The following CYP4B1 variants were observed in gnomAD, a reference collection of about 807,000 sequenced individuals.
CYP4B1 encodes cytochrome P450 4B1.
In CYP4B1, 45 loss-of-function variants were observed where a neutral mutation model predicts 54.0. The observed-to-expected ratio is 0.83, with a 90% CI of 0.66 to 1.07. The LOEUF is 1.07. CYP4B1 is among the 50% of genes least tolerant of loss of function. The pLI is 0.00. For missense variants in CYP4B1, 656 were observed against 655.4 expected, an observed-to-expected ratio of 1.00 and a Z score of -0.01; for synonymous variants, 248 against 247.5, an observed-to-expected ratio of 1.00 and a Z score of -0.02.
At chr1:46,809,120 A>T (rs377224163) in intron 1 of CYP4B1, among the ~76,000 whole-genome samples, 4,131 of 99,754 alleles carry the variant, frequency 0.041, 77 homozygotes, top group South Asian at 0.079. Flanking sequence ...AAAGTATAAT[A>T]AAAAAAACCC....
chr1:46,814,186 G>GAC (rs1484380707), intron 6 of CYP4B1, 23 bp from the exon 7 acceptor site: 3 of 1,613,298 alleles, frequency 1.9e-6, no homozygotes, highest in East Asian at 2.2e-5. Context: ...CCCAGGCAGT[G>GAC]ACACTCTGTG....
chr1:46,811,033 T>G, intron 2 of CYP4B1, 84 bp downstream of exon 2: 1 of 1,601,238 alleles, frequency 6.2e-7, no homozygotes, highest in Non-Finnish European at 8.6e-7. Flanking sequence ...GGAGGAAGCC[T>G]GGGCCTGTGT....
chr1:46,816,968 A>T (rs1679358369), intron 8 of CYP4B1, 80 bp from the exon 9 acceptor site: 1 of 1,545,836 alleles, frequency 6.5e-7, no homozygotes, highest in South Asian at 1.2e-5. Flanking sequence ...GTGAGGGAGG[A>T]AAACTGGGGC....
chr1:46,817,501 A>G (rs1368011270), intron 9 of CYP4B1: 4 of 454,584 alleles, frequency 8.8e-6, no homozygotes, highest in Non-Finnish European at 1.6e-5. Context: ...CAACACTCAC[A>G]TAGACTATGA....
At chr1:46,811,003 G>A in intron 2 of CYP4B1, 54 bp downstream of exon 2, 1 of 1,608,476 alleles carries the variant, frequency 6.2e-7, no homozygotes, top group Non-Finnish European at 8.5e-7. Context: ...TGAGAACAAA[G>A]GGCTCAGGGC....
chr1:46,802,724 G>C (rs1678708368), intron 1 of CYP4B1, among the ~76,000 whole-genome samples: 1 of 152,196 alleles, frequency 6.6e-6, no homozygotes, highest in South Asian at 2.1e-4. Context: ...AAGACAAAGA[G>C]CTTGCCTCAG....
rs750366022 is a variant in CYP4B1 at position 46,813,965 on chromosome 1, G to A, written c.677G>A (p.Arg226His). The part of the protein sequence containing the change: ...VSDLTLLMQQ[R>H]LVSFQYHNDF... ...GATCTCACTCTGTTGATGCAGCAGC[G>A]CCTTGTGTCCTTCCAGTACCATAAT... The change falls in exon 6 of 12, where the codon CGC becomes CAC. Residue 226 changes from arginine to histidine, a missense_variant. Transcript: ENST00000371923. The A allele has an allele frequency of 8.4e-5, 136 of 1,614,044 alleles. No individual in the cohort carries two copies. The highest frequency in any genetic ancestry group is 5.3e-4 in the South Asian group (48 of 91,086).
chr1:46,800,205 T>C (rs60957881), intron 1 of CYP4B1, among the ~76,000 whole-genome samples: 4,209 of 34,238 alleles, frequency 0.12, 837 homozygotes, highest in South Asian at 0.25. Context: ...TTCTCTTTCT[T>C]TCTTTCTTTC....
intron 1 of CYP4B1, among the ~76,000 whole-genome samples, chr1:46,809,030 T>G: frequency 6.7e-6 from 1 of 149,150 alleles, no homozygotes; most frequent in African/African-American, 2.5e-5. Flanking sequence ...GATGACGAGT[T>G]AGTGGGTGCA....
At chr1:46,800,209 T>TTC (rs778060619) in intron 1 of CYP4B1, among the ~76,000 whole-genome samples, 56,777 of 83,414 alleles carry the variant, frequency 0.68, 20,878 homozygotes, top group Non-Finnish European at 0.78. Flanking sequence ...CTTTCTTTCT[T>TTC]TCTTTCTCTT....
chr1:46,816,581 GAC>G (rs3066413), intron 8 of CYP4B1, among the ~76,000 whole-genome samples: 49 of 146,486 alleles, frequency 3.3e-4, no homozygotes, highest in African/African-American at 7.3e-4. Context: ...AAAGGGAAAA[GAC>G]ACACACACAC....
At chr1:46,800,164 C>CT (rs1280367144) in intron 1 of CYP4B1, among the ~76,000 whole-genome samples, 4 of 124,710 alleles carry the variant, frequency 3.2e-5, no homozygotes, top group African/African-American at 1.1e-4. Context: ...TTCTTTCTTT[C>CT]TTTTTTTCTT....
At chr1:46,813,201 C>A (rs886764998) in intron 4 of CYP4B1, among the ~76,000 whole-genome samples, 2 of 152,246 alleles carry the variant, frequency 1.3e-5, no homozygotes, top group Non-Finnish European at 2.9e-5. Flanking sequence ...AGCCATCCTA[C>A]TCCCTTATAG....
intron 4 of CYP4B1, 85 bp downstream of exon 4, chr1:46,812,708 G>C (rs1043715838): frequency 1.4e-6 from 2 of 1,481,186 alleles, no homozygotes; most frequent in South Asian, 2.5e-5. Flanking sequence ...GGGAGAGTAG[G>C]TGGTGCTCTG....
chr1:46,802,519 T>A (rs1303040381), intron 1 of CYP4B1, among the ~76,000 whole-genome samples: 1 of 152,214 alleles, frequency 6.6e-6, no homozygotes, highest in Non-Finnish European at 1.5e-5. Flanking sequence ...CAGATAAACG[T>A]CAGGTGTTAA....
chr1:46,809,133 AAAAC>A (rs58117092), intron 1 of CYP4B1, among the ~76,000 whole-genome samples: 4 of 150,942 alleles, frequency 2.7e-5, no homozygotes, highest in Admixed American at 6.6e-5. Flanking sequence ...AAAAACCCAA[AAAAC>A]AAACAAAAAA....
chr1:46,799,611 G>A (rs1232420205), intron 1 of CYP4B1, among the ~76,000 whole-genome samples: 1 of 152,238 alleles, frequency 6.6e-6, no homozygotes, highest in Non-Finnish European at 1.5e-5. Context: ...CATAGAAGTA[G>A]GCAATCCATT....
chr1:46,799,864 C>A (rs1678541806), intron 1 of CYP4B1, among the ~76,000 whole-genome samples: 1 of 152,252 alleles, frequency 6.6e-6, no homozygotes, highest in Admixed American at 6.5e-5. Flanking sequence ...TGGGAACCAC[C>A]TTAGCCCCTG....
rs372573267 is a variant in CYP4B1, at chr1:46,811,277, C to T, written c.367+93C>T. 299 of 1,336,150 alleles carry T rather than the reference C, an allele frequency of 2.2e-4. 1 individual carries two copies. The East Asian group carries it at 4.6e-3, about 21-fold the overall frequency. 82.8% of individuals were successfully genotyped at this position (1,336,150 alleles called of 1,614,324 possible). Reference sequence around the variant, plus strand: ...GGCCTGTCCCACTCAATTGGTTATCCCAGATGGCCTAGTTCTCGGGTGCCC... The same window carrying T: ...GGCCTGTCCCACTCAATTGGTTATCTCAGATGGCCTAGTTCTCGGGTGCCC... On this transcript the variant is annotated intron_variant, in intron 3 of 11. Coordinates refer to ENST00000371923, the MANE Select transcript of CYP4B1 (RefSeq NM_001099772.2).
Sources: gnomAD v4.1 joint callset for allele counts (sites outside exome capture counted in the v4.1 genomes callset) on GRCh38, gnomAD v4.1.1 for gene constraint, MANE v1.5 for transcripts, NCBI Gene and HGNC (gene_info 2026-07-23, HGNC 2026-07-21) for gene names.